MAP2K1: variants seen among roughly 807,000 people sequenced by gnomAD.
The protein encoded by MAP2K1 is mitogen-activated protein kinase kinase 1, also known as dual specificity mitogen-activated protein kinase kinase 1.
Under a neutral mutation model 46.3 loss-of-function variants are expected in MAP2K1, and 16 were observed. The ratio of observed to expected loss-of-function variants is 0.35; its 90% CI spans 0.23 to 0.52. MAP2K1 has a LOEUF of 0.52. MAP2K1 is among the 20% of genes least tolerant of loss of function. The pLI is 0.94. For synonymous variants in MAP2K1, 183 were observed against 185.6 expected, an observed-to-expected ratio of 0.99 and a Z score of 0.11; for missense variants, 263 against 497.1, an observed-to-expected ratio of 0.53 and a Z score of 4.48.
At chr15:66,485,900 T>G (rs1223064014) in intron 7 of MAP2K1, among the ~76,000 whole-genome samples, 2 of 151,994 alleles carry the variant, frequency 1.3e-5, no homozygotes, top group East Asian at 1.9e-4. Context: ...GGGTTTTTTT[T>G]GTTTTGTTTT....
chr15:66,441,876 G>T (rs1463905425), intron 3 of MAP2K1, among the ~76,000 whole-genome samples: 1 of 152,104 alleles, frequency 6.6e-6, no homozygotes, highest in Non-Finnish European at 1.5e-5. Context: ...CAGGAATTAG[G>T]TCTACATCTG....
At chr15:66,470,748 G>A (rs1595879810) in intron 5 of MAP2K1, among the ~76,000 whole-genome samples, 1 of 152,228 alleles carries the variant, frequency 6.6e-6, no homozygotes, top group Admixed American at 6.5e-5. Context: ...TCCCTTGGTG[G>A]TTACCAAAAT....
At position 66,481,976 on chromosome 15, in the gene MAP2K1, T is replaced by C. The variant is rs1567024878; in HGVS notation, c.693+97T>C. ...TGTGGAGCCAGAGTCTTGTGCTGGG[T>C]AGGGGACAAGAAGTGAGGGAGGAGG... On this transcript the variant is annotated intron_variant, in intron 6 of 10. Coordinates refer to ENST00000307102, the MANE Select transcript of MAP2K1 (RefSeq NM_002755.4). 4 of 1,457,630 alleles carry C rather than the reference T, an allele frequency of 2.7e-6. No homozygotes were observed. The East Asian group carries it at 1.0e-4, about 36-fold the overall frequency. 90.3% of individuals were successfully genotyped at this position (1,457,630 alleles called of 1,614,324 possible).
chr15:66,481,716 G>A (rs1231995482), intron 5 of MAP2K1, 39 bp from the exon 6 acceptor site: 17 of 1,607,364 alleles, frequency 1.1e-5, no homozygotes, highest in Non-Finnish European at 1.4e-5. Context: ...CAATCTACCT[G>A]TGTCAGTTCC....
intron 5 of MAP2K1, among the ~76,000 whole-genome samples, chr15:66,477,412 G>A (rs909075197): frequency 1.3e-5 from 2 of 152,156 alleles, no homozygotes; most frequent in African/African-American, 2.4e-5. Context: ...GTGAACTGCC[G>A]ATCTTGGAGG....
intron 1 of MAP2K1, among the ~76,000 whole-genome samples, chr15:66,398,962 G>C (rs962581094): frequency 1.3e-5 from 2 of 151,986 alleles, no homozygotes; most frequent in Non-Finnish European, 2.9e-5. Flanking sequence ...TAGAAGAGAC[G>C]GTGTTTCACC....
At chr15:66,418,829 G>A (rs2093430543) in intron 1 of MAP2K1, among the ~76,000 whole-genome samples, 2 of 151,280 alleles carry the variant, frequency 1.3e-5, no homozygotes, top group Admixed American at 6.6e-5. Context: ...TGTGTTTTTA[G>A]TAGAGAGAGG....
intron 5 of MAP2K1, among the ~76,000 whole-genome samples, chr15:66,453,149 G>A (rs866786606): frequency 6.6e-5 from 10 of 152,158 alleles, no homozygotes; most frequent in African/African-American, 2.2e-4. Context: ...CCTGTGTTTT[G>A]CAATGAAGAC....
At chr15:66,456,351 A>T (rs1892165443) in intron 5 of MAP2K1, among the ~76,000 whole-genome samples, 1 of 152,170 alleles carries the variant, frequency 6.6e-6, no homozygotes, top group Non-Finnish European at 1.5e-5. Context: ...AGTGACATAG[A>T]TTATTAGTCA....
At chr15:66,452,613 C>T (rs1217695480) in intron 5 of MAP2K1, among the ~76,000 whole-genome samples, 8 of 152,108 alleles carry the variant, frequency 5.3e-5, no homozygotes, top group Admixed American at 5.2e-4. Context: ...TATGCAAGGA[C>T]GAATGAGGTC....
At chr15:66,397,439 A>G (rs1222984355) in intron 1 of MAP2K1, among the ~76,000 whole-genome samples, 11 of 152,192 alleles carry the variant, frequency 7.2e-5, no homozygotes, top group Admixed American at 2.0e-4. Context: ...CCAAAATAAC[A>G]TACACGGAAG....
rs879672695 is a variant in MAP2K1, at chr15:66,398,100, T to TA, written c.80+10685dup. Among the ~76,000 whole-genome samples, 261 of 140,618 alleles carry TA rather than the reference T, an allele frequency of 1.9e-3. No homozygotes were observed. The East Asian group carries it at 0.02, about 11-fold the overall frequency. 92.3% of individuals were successfully genotyped at this position (140,618 alleles called of 152,430 possible). On this transcript the variant is annotated intron_variant, in intron 1 of 10. Coordinates refer to ENST00000307102, the MANE Select transcript of MAP2K1 (RefSeq NM_002755.4). ...CTGGGTGACAGAGTGAGATTCCATC[T>TA]AAAAAAAAAAAAGTCAGTATAAGGG...
chr15:66,387,041 T>TGA lies in MAP2K1; in HGVS notation c.-295_-294dup, dbSNP rs548883212. The TGA allele has an allele frequency of 4.5e-5, 15 of 334,168 alleles. No homozygotes were observed. The highest frequency in any genetic ancestry group is 3.3e-4 in the East Asian group (7 of 21,006). The allele number at this position is 334,168 out of a possible 1,614,324, so 20.7% of individuals were successfully genotyped here. A position where few individuals can be genotyped will look rare whatever the true frequency, so the allele number is the denominator to read the frequency against. On this transcript the variant is annotated 5_prime_UTR_variant, in exon 1 of 11. Coordinates refer to ENST00000307102, the MANE Select transcript of MAP2K1 (RefSeq NM_002755.4). The stretch of plus-strand genomic sequence containing the variant: ...GCCCGAGCCGGAGGGACTGGTTGGT[T>TGA]GAGAGAGAGAGAGGAAGGGAATCCC...
At chr15:66,434,264 A>G (rs909213484) in intron 1 of MAP2K1, among the ~76,000 whole-genome samples, 1 of 152,158 alleles carries the variant, frequency 6.6e-6, no homozygotes, top group Non-Finnish European at 1.5e-5. Flanking sequence ...AGAATTTTAT[A>G]TTGTGATTAC....
In MAP2K1 at chr15:66,490,570, C is replaced by T. The variant is rs150841154; in HGVS notation, c.1137C>T (p.Ile379=). The change falls in exon 11 of 11, where the codon ATC becomes ATT. Residue 379 remains isoleucine, a synonymous_variant. Coordinates refer to ENST00000307102, the MANE Select transcript of MAP2K1 (RefSeq NM_002755.4). The part of the protein sequence containing the change: ...VDFAGWLCST[I]GLNQPSTPTH... The stretch of plus-strand genomic sequence containing the variant: ...TTGCAGGTTGGCTCTGCTCCACCAT[C>T]GGCCTTAACCAGCCCAGCACACCAA... 468 of 1,614,206 alleles carry T rather than the reference C, an allele frequency of 2.9e-4. 1 individual carries two copies. The African/African-American group carries it at 3.6e-3, about 12-fold the overall frequency.
At chr15:66,420,813 ATG>A (rs1372741795) in intron 1 of MAP2K1, among the ~76,000 whole-genome samples, 5 of 106,368 alleles carry the variant, frequency 4.7e-5, no homozygotes, top group Admixed American at 1.1e-4. Context: ...GTGTATATAT[ATG>A]TGTATATATA....
intron 1 of MAP2K1, among the ~76,000 whole-genome samples, chr15:66,394,371 G>C (rs2140519147): frequency 7.3e-6 from 1 of 136,812 alleles, no homozygotes; most frequent in South Asian, 2.2e-4. Flanking sequence ...TGAAGGCCCT[G>C]GAGGAAGAAA....
At position 66,475,730 on chromosome 15, in the gene MAP2K1, G is replaced by A. The variant is rs142030837; in HGVS notation, c.569-6025G>A. 3.9e-3 allele frequency among the ~76,000 whole-genome samples: 589 copies of A among 152,290 alleles called. 5 individuals are homozygous for A. The highest frequency in any genetic ancestry group is 0.014 in the African/African-American group (562 of 41,564). On this transcript the variant is annotated intron_variant, in intron 5 of 10. Coordinates refer to ENST00000307102, the MANE Select transcript of MAP2K1 (RefSeq NM_002755.4). ...GGGTGGCACCCATCCCACCTGGTTG[G>A]AAGAATTTAGAACGAGTCCACGGGG...
rs1381014872 is a variant in MAP2K1 at position 66,491,222 on chromosome 15, C to G, written c.*607C>G. On this transcript the variant is annotated 3_prime_UTR_variant, in exon 11 of 11. Transcript: ENST00000307102. Reference sequence around the variant, plus strand: ...GATAGCTGGGGCTTCACCAGTCTGTCTACTGTGGTGATCTGTAGACTTCTG... The same window carrying G: ...GATAGCTGGGGCTTCACCAGTCTGTGTACTGTGGTGATCTGTAGACTTCTG... 2.0e-5 allele frequency: 5 copies of G among 252,300 alleles called. No homozygotes were observed. The East Asian group carries it at 2.3e-4, about 12-fold the overall frequency. 15.6% of individuals were successfully genotyped at this position (252,300 alleles called of 1,614,324 possible).
Sources: gnomAD v4.1 joint callset for allele counts (sites outside exome capture counted in the v4.1 genomes callset) on GRCh38, gnomAD v4.1.1 for gene constraint, MANE v1.5 for transcripts, NCBI Gene and HGNC (gene_info 2026-07-23, HGNC 2026-07-21) for gene names.